SAMD5: variants seen among roughly 807,000 people sequenced by gnomAD.
SAMD5 encodes the protein sterile alpha motif domain containing 5.
SAMD5 carries 13 observed loss-of-function variants against 11.3 expected under a neutral mutation model. The ratio of observed to expected loss-of-function variants is 1.15; its 90% CI spans 0.75 to 1.83. SAMD5 has a LOEUF of 1.83. Ranked by LOEUF, SAMD5 falls within the 40% of genes most tolerant of loss-of-function variation. The probability of loss-of-function intolerance (pLI) is 0.00; values close to 1 mark genes in which losing one functional copy is unlikely to be tolerated. For missense variants in SAMD5, 255 were observed against 239.1 expected (o/e 1.07, Z -0.44); for synonymous variants, 129 against 111.3 (o/e 1.16, Z -1.00).
chr6:147,579,021 C>A (rs1167353063), intron 1 of SAMD5, among the ~76,000 whole-genome samples: 2 of 152,208 alleles, frequency 1.3e-5, no homozygotes, highest in East Asian at 3.8e-4. Flanking sequence ...ACATATTTGA[C>A]AAATATTAAG....
At chr6:147,626,350 G>A (rs960176725) in intron 1 of SAMD5, among the ~76,000 whole-genome samples, 3 of 150,824 alleles carry the variant, frequency 2.0e-5, no homozygotes, top group East Asian at 2.0e-4. Context: ...TAGAGGCACC[G>A]TTAAACCTCA....
chr6:147,551,132 G>C (rs1457339101), intron 1 of SAMD5, among the ~76,000 whole-genome samples: 1 of 152,164 alleles, frequency 6.6e-6, no homozygotes, highest in South Asian at 2.1e-4. Flanking sequence ...CAGCGCCCTG[G>C]GGCACAGTTC....
intron 1 of SAMD5, among the ~76,000 whole-genome samples, chr6:147,624,277 G>A (rs543720503): frequency 8.5e-5 from 13 of 152,240 alleles, no homozygotes; most frequent in African/African-American, 2.9e-4. Flanking sequence ...CCCAGCTGAG[G>A]GTCCTGATTA....
intron 1 of SAMD5, among the ~76,000 whole-genome samples, chr6:147,550,755 G>C (rs1459468707): frequency 6.6e-6 from 1 of 152,134 alleles, no homozygotes; most frequent in East Asian, 1.9e-4. Flanking sequence ...ACTCAGAAGG[G>C]TGTGAGGTGG....
chr6:147,734,711 T>TAAAAAAAAAAAAAAAAA (rs61482319), intron 1 of SAMD5, among the ~76,000 whole-genome samples: 8 of 26,108 alleles, frequency 3.1e-4, no homozygotes, highest in Admixed American at 5.3e-4. Context: ...AGACTCCATC[T>TAAAAAAAAAAAAAAAAA]AAAAAAAAAA....
the SAMD5 span, among the ~76,000 whole-genome samples, chr6:147,785,252 C>T: frequency 1.3e-5 from 2 of 152,246 alleles, no homozygotes; most frequent in Non-Finnish European, 2.9e-5. Flanking sequence ...GAGTGCCTTC[C>T]TTCCTTACCT....
intron 1 of SAMD5, among the ~76,000 whole-genome samples, chr6:147,600,931 T>C (rs1397029111): frequency 6.6e-6 from 1 of 152,216 alleles, no homozygotes; most frequent in Non-Finnish European, 1.5e-5. Flanking sequence ...CCAGGCAATA[T>C]GGAGTGAATC....
At chr6:147,675,669 G>C (rs1406075021) in intron 1 of SAMD5, among the ~76,000 whole-genome samples, 1 of 152,162 alleles carries the variant, frequency 6.6e-6, no homozygotes, top group Non-Finnish European at 1.5e-5. Flanking sequence ...TCTTAAATTT[G>C]CTGTATTTGA....
intron 1 of SAMD5, among the ~76,000 whole-genome samples, chr6:147,561,461 A>T (rs1457352088): frequency 6.6e-6 from 1 of 152,194 alleles, no homozygotes; most frequent in Admixed American, 6.5e-5. Context: ...AAGTGCTGGG[A>T]TTACAGGCGT....
At chr6:147,931,596 TTC>T in the SAMD5 span, among the ~76,000 whole-genome samples, 1 of 151,580 alleles carries the variant, frequency 6.6e-6, no homozygotes, top group Admixed American at 6.6e-5. Context: ...ACGAATGCAT[TTC>T]TCTCTTTGAT....
chr6:147,734,741 A>AAAAAAAAAAAAAAAG (rs1583158562), intron 1 of SAMD5, among the ~76,000 whole-genome samples: 1 of 145,744 alleles, frequency 6.9e-6, no homozygotes. Context: ...AAAAAAAAAA[A>AAAAAAAAAAAAAAAG]AGATTTAGAA....
In SAMD5 at chr6:147,562,343, T is replaced by G. The variant is rs183926903; in HGVS notation, c.460-2051T>G. Among the ~76,000 whole-genome samples the G allele has an allele frequency of 7.4e-3, 1,125 of 152,344 alleles. 8 individuals carry two copies. The highest frequency in any genetic ancestry group is 0.012 in the Non-Finnish European group (788 of 68,040). On this transcript the variant is annotated intron_variant, in intron 1 of 1. Transcript: ENST00000367474. ...GAGAATGTCTTCAAGAAAAGCGGAC[T>G]CCCTCTGTGGCCTTTTCTTCTCTTG...
At chr6:147,902,079 A>G in the SAMD5 span, among the ~76,000 whole-genome samples, 1 of 152,170 alleles carries the variant, frequency 6.6e-6, no homozygotes, top group Non-Finnish European at 1.5e-5. Context: ...TTCTGATATT[A>G]CATTGCTTTT....
chr6:147,594,330 A>C (rs1944645), intron 1 of SAMD5, among the ~76,000 whole-genome samples: 110,169 of 151,984 alleles, frequency 0.72, 40,306 homozygotes, highest in African/African-American at 0.82. Context: ...GTGGAGAATG[A>C]AATAGTCTCT....
chr6:147,909,482 TTAAA>T, the SAMD5 span, among the ~76,000 whole-genome samples: 3,947 of 150,906 alleles, frequency 0.026, 102 homozygotes, highest in Middle Eastern at 0.051. Flanking sequence ...GTCAAGAAAA[TTAAA>T]TAAAACATAA....
chr6:147,868,077 G>A, the SAMD5 span, among the ~76,000 whole-genome samples: 16 of 152,202 alleles, frequency 1.1e-4, no homozygotes, highest in African/African-American at 3.9e-4. Context: ...GATGTTGACT[G>A]AAGCTAGAAA....
intron 1 of SAMD5, among the ~76,000 whole-genome samples, chr6:147,561,689 G>T (rs374479867): frequency 3.9e-5 from 6 of 152,070 alleles, no homozygotes; most frequent in African/African-American, 1.2e-4. Flanking sequence ...TGTGTGATAC[G>T]TATGGGGACA....
At chr6:147,647,568 G>T (rs1331139171) in intron 1 of SAMD5, among the ~76,000 whole-genome samples, 1 of 152,156 alleles carries the variant, frequency 6.6e-6, no homozygotes, top group African/African-American at 2.4e-5. Flanking sequence ...CTGGATAGAT[G>T]ATTATAAGTG....
chr6:147,658,656 T>TG (rs1790603476), intron 1 of SAMD5, among the ~76,000 whole-genome samples: 1 of 146,260 alleles, frequency 6.8e-6, no homozygotes, highest in South Asian at 2.2e-4. Context: ...CATCTCCTAC[T>TG]GGGTTTTTTT....
Sources: gnomAD v4.1 joint callset for allele counts (sites outside exome capture counted in the v4.1 genomes callset) on GRCh38, gnomAD v4.1.1 for gene constraint, MANE v1.5 for transcripts, NCBI Gene and HGNC (gene_info 2026-07-23, HGNC 2026-07-21) for gene names.